The following DAAM1 variants were observed in gnomAD, a reference collection of about 807,000 sequenced individuals.
DAAM1 encodes dishevelled associated activator of morphogenesis 1.
In DAAM1, 52 loss-of-function variants were observed where a neutral mutation model predicts 130.0. That is an observed-to-expected ratio of 0.40 (90% CI 0.32 to 0.50). The LOEUF (loss-of-function observed/expected upper bound fraction) is 0.50. Ranked by LOEUF, DAAM1 falls within the 20% of genes least tolerant of loss-of-function variation. The pLI, the probability that DAAM1 is intolerant of heterozygous loss-of-function variation, is 0.61. For synonymous variants in DAAM1, 452 were observed against 444.5 expected (o/e 1.02, Z -0.21); for missense variants, 1,134 against 1,303.8 (o/e 0.87, Z 2.01).
At chr14:59,313,886 T>C (rs1369840390) in intron 3 of DAAM1, among the ~76,000 whole-genome samples, 1 of 152,262 alleles carries the variant, frequency 6.6e-6, no homozygotes, top group African/African-American at 2.4e-5. Context: ...GCCTCTGCTG[T>C]AGCCTTAGTC....
chr14:59,276,892 C>T (rs1021044082), intron 2 of DAAM1, among the ~76,000 whole-genome samples: 8 of 152,286 alleles, frequency 5.3e-5, no homozygotes, highest in Non-Finnish European at 8.8e-5. Flanking sequence ...TTTTCTTAGT[C>T]CTCCTGCCCA....
At chr14:59,358,836 CA>C (rs35150898) in intron 20 of DAAM1, among the ~76,000 whole-genome samples, 84,702 of 137,842 alleles carry the variant, frequency 0.61, 25,345 homozygotes, top group East Asian at 0.83. Flanking sequence ...GACCCCATCT[CA>C]AAAAAAAAAA....
At chr14:59,353,343 T>C (rs1886359697) in intron 18 of DAAM1, among the ~76,000 whole-genome samples, 1 of 152,158 alleles carries the variant, frequency 6.6e-6, no homozygotes, top group South Asian at 2.1e-4. Flanking sequence ...GTGCTCACTA[T>C]GAAGACAGAG....
Position 59,355,246 on chromosome 14 carries a change from A to G in DAAM1, c.2438A>G (p.Tyr813Cys), listed in dbSNP as rs1394269670. ...GAGGTGGTTTTGGCATTTGGAAATT[A>G]TATGAATAAAGGTCAAAGAGGGAAT... ...LLEVVLAFGN[Y>C]MNKGQRGNAY... is the part of the protein sequence containing the mutation. The change falls in exon 20 of 25, where the codon TAT becomes TGT. Residue 813 changes from tyrosine (Y) to cysteine (C), a missense_variant. Tyr to Cys is a radical substitution (Grantham distance 194). This residue lies in a region of DAAM1 where 644 missense variants were observed against 695.9 expected (regional missense o/e 0.93). Coordinates refer to ENST00000360909, the MANE Select transcript of DAAM1 (RefSeq NM_001270520.2). 1 of 1,614,196 alleles carries G rather than the reference A, an allele frequency of 6.2e-7. No homozygotes were observed. Among genetic ancestry groups the G allele is most frequent in the East Asian group, 2.2e-5 (1 of 44,890 alleles).
intron 13 of DAAM1, 76 bp downstream of exon 13, chr14:59,330,764 A>T: frequency 1.4e-5 from 20 of 1,384,466 alleles, no homozygotes; most frequent in Non-Finnish European, 1.9e-5. Context: ...TTAAGTAGAG[A>T]ACTTCATACT....
Position 59,331,326 on chromosome 14 carries a change from G to C in DAAM1, c.1678G>C (p.Gly560Arg). 1 of 1,609,746 alleles carries C rather than the reference G, an allele frequency of 6.2e-7. No homozygotes were observed. Among genetic ancestry groups the C allele is most frequent in the Non-Finnish European group, 8.5e-7 (1 of 1,178,866 alleles). The change falls in exon 14 of 25, where the codon GGG (glycine) becomes CGG (arginine). Residue 560 changes from glycine to arginine, a missense_variant. Coordinates refer to ENST00000360909, the MANE Select transcript of DAAM1 (RefSeq NM_001270520.2). ...CCCACCACCCCCACCTCTACCAGGTGGGATGCTTCCCCCTCCACCGCCTCC... is the reference window on the plus strand; with the variant it reads ...CCCACCACCCCCACCTCTACCAGGTCGGATGCTTCCCCCTCCACCGCCTCC... ...PPPPPPPLPG[G>R]MLPPPPPPLP...
intron 15 of DAAM1, among the ~76,000 whole-genome samples, chr14:59,334,379 A>G (rs541894198): frequency 6.6e-6 from 1 of 152,262 alleles, no homozygotes; most frequent in African/African-American, 2.4e-5. Context: ...AATTCACTTG[A>G]ACTGCTCTCT....
chr14:59,221,724 GT>G (rs1888779225), intron 1 of DAAM1, among the ~76,000 whole-genome samples: 1 of 152,220 alleles, frequency 6.6e-6, no homozygotes, highest in Non-Finnish European at 1.5e-5. Context: ...AGCCAACACT[GT>G]AACTCCTTTC....
intron 1 of DAAM1, among the ~76,000 whole-genome samples, chr14:59,191,547 G>A (rs1019909012): frequency 2.0e-5 from 3 of 152,042 alleles, no homozygotes; most frequent in African/African-American, 7.2e-5. Flanking sequence ...TTTCTATCAA[G>A]CAGTTTCATT....
At chr14:59,326,423 C>A in intron 10 of DAAM1, 87 bp from the exon 11 acceptor site, 2 of 1,377,844 alleles carry the variant, frequency 1.5e-6, no homozygotes, top group South Asian at 1.5e-5. Context: ...GGTTTGGTGG[C>A]TTTAAAGGGT....
intron 1 of DAAM1, among the ~76,000 whole-genome samples, chr14:59,227,998 C>T (rs1888993361): frequency 6.6e-6 from 1 of 152,114 alleles, no homozygotes; most frequent in South Asian, 2.1e-4. Context: ...CAAGTAAAGA[C>T]AACTTAGAGC....
chr14:59,200,118 C>A (rs967250683), intron 1 of DAAM1, among the ~76,000 whole-genome samples: 1 of 152,204 alleles, frequency 6.6e-6, no homozygotes, highest in Non-Finnish European at 1.5e-5. Flanking sequence ...CTTCTCCATT[C>A]TTCCATGACC....
intron 1 of DAAM1, among the ~76,000 whole-genome samples, chr14:59,203,583 G>A (rs566874533): frequency 1.3e-5 from 2 of 152,246 alleles, no homozygotes; most frequent in African/African-American, 2.4e-5. Flanking sequence ...AAGGATAGAT[G>A]TGGTAATTCC....
chr14:59,266,561 C>CT (rs1882451667), intron 2 of DAAM1, among the ~76,000 whole-genome samples: 1 of 152,240 alleles, frequency 6.6e-6, no homozygotes, highest in Non-Finnish European at 1.5e-5. Context: ...CAAACCAGAA[C>CT]TTTAAGCTGA....
chr14:59,331,152 C>T lies in DAAM1; in HGVS notation c.1561-57C>T, dbSNP rs946068635. 68 of 1,589,852 alleles carry T rather than the reference C, an allele frequency of 4.3e-5. 1 individual carries two copies. The Admixed American group carries it at 1.2e-3, about 28-fold the overall frequency. ...TAGGCCAAGTTACAGACTCTTAAAT[C>T]ATTCAATGAATTTACTTCTTCCATT... On this transcript the variant is annotated intron_variant, in intron 13 of 24. Coordinates refer to ENST00000360909, the MANE Select transcript of DAAM1 (RefSeq NM_001270520.2).
intron 6 of DAAM1, 85 bp from the exon 7 acceptor site, chr14:59,324,043 A>G: frequency 3.1e-6 from 3 of 958,284 alleles, no homozygotes; most frequent in Non-Finnish European, 4.3e-6. Context: ...AAAAAAAAAA[A>G]AGTTAACTTT....
intron 1 of DAAM1, among the ~76,000 whole-genome samples, chr14:59,262,653 A>AGTGTGTGTGT (rs5809025): frequency 8.2e-4 from 116 of 140,868 alleles, no homozygotes; most frequent in Non-Finnish European, 1.1e-3. Flanking sequence ...ATATTCTATT[A>AGTGTGTGTGT]GTGTGTGTGT....
In DAAM1 at chr14:59,368,901, C is replaced by G. The variant is rs776423576; in HGVS notation, c.*42C>G. On this transcript the variant is annotated 3_prime_UTR_variant, in exon 25 of 25. Transcript: ENST00000360909. ...TTTTTTAGAAAGCTCATTAGCAGCC[C>G]TCTAAAGTGACTAGAACGTTTCATT... 7 of 1,580,988 alleles carry G rather than the reference C, an allele frequency of 4.4e-6. No individual in the cohort carries two copies. The South Asian group carries it at 6.9e-5, about 15-fold the overall frequency.
At chr14:59,298,486 C>T (rs976882643) in intron 3 of DAAM1, among the ~76,000 whole-genome samples, 3 of 152,178 alleles carry the variant, frequency 2.0e-5, no homozygotes, top group Admixed American at 6.5e-5. Flanking sequence ...GAGATGCCCT[C>T]GGTTTTCTGC....
Sources: allele counts gnomAD v4.1 joint callset (sites outside exome capture counted in the v4.1 genomes callset), GRCh38; gene constraint gnomAD v4.1.1; regional missense constraint gnomAD v4.1.1; transcripts MANE v1.5; gene names NCBI Gene and HGNC (gene_info 2026-07-23, HGNC 2026-07-21).